PRKCA: variants seen among roughly 807,000 people sequenced by gnomAD.
PRKCA encodes protein kinase C alpha.
In PRKCA, 27 loss-of-function variants were observed where a neutral mutation model predicts 87.0. The ratio of observed to expected loss-of-function variants is 0.31; its 90% CI spans 0.23 to 0.43. The LOEUF (loss-of-function observed/expected upper bound fraction) is 0.43, where lower values mean the gene tolerates loss of function less well. Ranked by LOEUF, PRKCA falls within the 20% of genes least tolerant of loss-of-function variation. The pLI is 1.00. For synonymous variants in PRKCA, 329 were observed against 311.1 expected, an observed-to-expected ratio of 1.06 and a Z score of -0.61; for missense variants, 518 against 852.3, an observed-to-expected ratio of 0.61 and a Z score of 4.88.
chr17:66,688,912 A>G, intron 7 of PRKCA, 39 bp from the exon 8 acceptor site: 4 of 1,352,576 alleles, frequency 3.0e-6, no homozygotes, highest in Non-Finnish European at 4.2e-6. Context: ...AGGCTTGTTA[A>G]ACTTGCGGTG....
At chr17:66,418,191 T>G (rs890586494) in intron 2 of PRKCA, among the ~76,000 whole-genome samples, 2 of 152,316 alleles carry the variant, frequency 1.3e-5, no homozygotes, top group African/African-American at 4.8e-5. Flanking sequence ...GTCTGTGGAT[T>G]AAGCAGATCT....
At chr17:66,536,939 G>A (rs9908167) in intron 3 of PRKCA, among the ~76,000 whole-genome samples, 54,459 of 152,000 alleles carry the variant, frequency 0.36, 10,258 homozygotes, top group South Asian at 0.61. Flanking sequence ...GAGCTGACCT[G>A]TAAAATCCTC....
At chr17:66,714,334 GA>G (rs376549458) in intron 8 of PRKCA, among the ~76,000 whole-genome samples, 167 of 152,274 alleles carry the variant, frequency 1.1e-3, no homozygotes, top group African/African-American at 3.9e-3. Flanking sequence ...TGTGTAAAGG[GA>G]AAAGTGTCCT....
chr17:66,737,196 C>CAA (rs59025976), intron 10 of PRKCA, among the ~76,000 whole-genome samples: 3,760 of 125,244 alleles, frequency 0.03, 59 homozygotes, highest in Non-Finnish European at 0.034. Context: ...ACTAAATATA[C>CAA]AAAAAAAAAA....
chr17:66,504,289 A>AT (rs1916872535), intron 3 of PRKCA, among the ~76,000 whole-genome samples: 1 of 148,620 alleles, frequency 6.7e-6, no homozygotes, highest in Non-Finnish European at 1.5e-5. Flanking sequence ...GAGTTGTACT[A>AT]TAAGATTGCA....
At chr17:66,619,894 G>T (rs1241140328) in intron 3 of PRKCA, among the ~76,000 whole-genome samples, 1 of 130,818 alleles carries the variant, frequency 7.6e-6, no homozygotes, top group African/African-American at 2.7e-5. Flanking sequence ...TCACCTCGTT[G>T]AGGTTATAAA....
chr17:66,439,809 T>G (rs970536007), intron 2 of PRKCA, among the ~76,000 whole-genome samples: 1 of 152,210 alleles, frequency 6.6e-6, no homozygotes, highest in African/African-American at 2.4e-5. Context: ...AAGAAAACCT[T>G]TTGTGCATTT....
At chr17:66,511,920 T>A (rs8070470) in intron 3 of PRKCA, among the ~76,000 whole-genome samples, 74,857 of 151,622 alleles carry the variant, frequency 0.49, 18,810 homozygotes, top group East Asian at 0.76. Context: ...ATCTCGGGTG[T>A]TCTACCCCCC....
intron 2 of PRKCA, among the ~76,000 whole-genome samples, chr17:66,356,528 G>A (rs1349627294): frequency 6.6e-6 from 1 of 152,056 alleles, no homozygotes; most frequent in African/African-American, 2.4e-5. Context: ...CCAGCTACTC[G>A]GGAGGCTGAC....
chr17:66,336,605 G>A (rs1906675103), intron 2 of PRKCA, among the ~76,000 whole-genome samples: 1 of 122,984 alleles, frequency 8.1e-6, no homozygotes, highest in South Asian at 2.6e-4. Flanking sequence ...TTTTTTGGTG[G>A]TGGTGGGGGA....
At chr17:66,722,336 C>A (rs1034500710) in intron 8 of PRKCA, among the ~76,000 whole-genome samples, 3 of 152,148 alleles carry the variant, frequency 2.0e-5, no homozygotes, top group African/African-American at 7.2e-5. Context: ...AGCCATCCAG[C>A]CCCTCATAGA....
chr17:66,337,631 C>T (rs1906785009), intron 2 of PRKCA, among the ~76,000 whole-genome samples: 1 of 152,114 alleles, frequency 6.6e-6, no homozygotes, highest in Non-Finnish European at 1.5e-5. Flanking sequence ...AGCAATCCAC[C>T]TGCCTTGGCT....
chr17:66,501,599 G>A (rs546153127), intron 3 of PRKCA, among the ~76,000 whole-genome samples: 1 of 152,324 alleles, frequency 6.6e-6, no homozygotes, highest in Admixed American at 6.5e-5. Context: ...TTCTTACCTG[G>A]TGTTGGGAAG....
At chr17:66,791,954 C>T (rs554434228) in intron 16 of PRKCA, among the ~76,000 whole-genome samples, 9 of 152,302 alleles carry the variant, frequency 5.9e-5, no homozygotes, top group South Asian at 2.1e-4. Context: ...CATTCTCTAA[C>T]GGGTCATTTT....
At chr17:66,320,282 G>A (rs963856638) in intron 2 of PRKCA, among the ~76,000 whole-genome samples, 10 of 151,970 alleles carry the variant, frequency 6.6e-5, no homozygotes, top group Non-Finnish European at 1.0e-4. Flanking sequence ...CCTCCTATAG[G>A]ATGACCCTGT....
intron 3 of PRKCA, among the ~76,000 whole-genome samples, chr17:66,538,343 C>G (rs2052059002): frequency 6.6e-6 from 1 of 152,186 alleles, no homozygotes; most frequent in African/African-American, 2.4e-5. Flanking sequence ...ATTTATGAGA[C>G]AGTCTCTGCT....
intron 13 of PRKCA, among the ~76,000 whole-genome samples, chr17:66,768,689 T>C (rs1974864558): frequency 6.6e-6 from 1 of 152,174 alleles, no homozygotes; most frequent in African/African-American, 2.4e-5. Context: ...CAAACACTTT[T>C]AAACCATCAG....
At chr17:66,471,369 T>C (rs1055561475) in intron 2 of PRKCA, among the ~76,000 whole-genome samples, 15 of 152,238 alleles carry the variant, frequency 9.9e-5, no homozygotes, top group Non-Finnish European at 1.6e-4. Flanking sequence ...TGGATGTGCG[T>C]TGTGTCTGTC....
chr17:66,355,131 C>T (rs1199131662), intron 2 of PRKCA, among the ~76,000 whole-genome samples: 2 of 152,226 alleles, frequency 1.3e-5, no homozygotes, highest in Admixed American at 6.5e-5. Context: ...ATAATCTCCA[C>T]ATTCCTAGAG....
Sources: gnomAD v4.1 joint callset for allele counts (sites outside exome capture counted in the v4.1 genomes callset) on GRCh38, gnomAD v4.1.1 for gene constraint, MANE v1.5 for transcripts, NCBI Gene and HGNC (gene_info 2026-07-23, HGNC 2026-07-21) for gene names.